Variants in KAZN observed in about 807,000 individuals in gnomAD.
KAZN encodes the protein kazrin.
KAZN carries 40 observed loss-of-function variants against 87.4 expected under a neutral mutation model. The observed-to-expected ratio is 0.46, with a 90% CI of 0.36 to 0.60. The LOEUF is 0.60. Ranked by LOEUF, KAZN falls within the 20% of genes least tolerant of loss-of-function variation. KAZN has a pLI of 0.00. For missense variants in KAZN, 898 were observed against 1,073.9 expected (o/e 0.84, Z 2.29); for synonymous variants, 466 against 458.3 (o/e 1.02, Z -0.22).
At chr1:14,913,554 G>C (rs1242281502) in intron 1 of KAZN, among the ~76,000 whole-genome samples, 2 of 152,246 alleles carry the variant, frequency 1.3e-5, no homozygotes, top group Non-Finnish European at 2.9e-5. Context: ...TGAGAACCCA[G>C]AGACCAGGGC....
intron 1 of KAZN, among the ~76,000 whole-genome samples, chr1:13,937,759 C>A (rs915325131): frequency 8.5e-5 from 13 of 152,230 alleles, no homozygotes; most frequent in African/African-American, 2.6e-4. Flanking sequence ...ACCAATTTTC[C>A]TAGCACCATT....
At chr1:13,937,426 T>C (rs951168890) in intron 1 of KAZN, among the ~76,000 whole-genome samples, 6 of 152,224 alleles carry the variant, frequency 3.9e-5, no homozygotes, top group Non-Finnish European at 7.3e-5. Context: ...TGGATATTAG[T>C]ACTTTGTCAG....
intron 2 of KAZN, among the ~76,000 whole-genome samples, chr1:14,480,653 ATAT>A (rs1388471198): frequency 2.3e-4 from 34 of 145,566 alleles, no homozygotes; most frequent in Admixed American, 7.7e-4. Flanking sequence ...ATAATATATA[ATAT>A]TTATTTATAA....
chr1:15,058,706 A>G lies in KAZN; in HGVS notation c.917-1466A>G, dbSNP rs115242154. On this transcript the variant is annotated intron_variant, in intron 5 of 14. Coordinates refer to ENST00000376030, the MANE Select transcript of KAZN (RefSeq NM_201628.3). ...GAGCAGATGTTGTCAGTGTACAGAT[A>G]TGATATGTAAATATACTATTAAATA... 3.7e-3 allele frequency among the ~76,000 whole-genome samples: 566 copies of G among 152,312 alleles called. 3 individuals are homozygous for G. The highest frequency in any genetic ancestry group is 6.2e-3 in the Non-Finnish European group (422 of 68,026).
chr1:14,342,790 G>A (rs1657829513), intron 2 of KAZN, among the ~76,000 whole-genome samples: 1 of 152,204 alleles, frequency 6.6e-6, no homozygotes, highest in Non-Finnish European at 1.5e-5. Context: ...AACATTCTGA[G>A]GGAGCTGCAC....
intron 1 of KAZN, among the ~76,000 whole-genome samples, chr1:14,103,478 A>C (rs954422961): frequency 6.6e-6 from 1 of 152,168 alleles, no homozygotes; most frequent in Non-Finnish European, 1.5e-5. Flanking sequence ...GTAGGTCAGA[A>C]ATCTGATACC....
chr1:14,105,001 T>A (rs2101654660), intron 1 of KAZN, among the ~76,000 whole-genome samples: 1 of 152,306 alleles, frequency 6.6e-6, no homozygotes, highest in East Asian at 1.9e-4. Flanking sequence ...AATATCTCCC[T>A]TATCTGTGGA....
intron 1 of KAZN, among the ~76,000 whole-genome samples, chr1:14,749,741 G>A (rs1248523502): frequency 6.6e-6 from 1 of 152,220 alleles, no homozygotes; most frequent in East Asian, 1.9e-4. Context: ...TAACAGACTT[G>A]CCCAGTCCTC....
At chr1:14,830,478 T>C (rs1284598545) in intron 1 of KAZN, among the ~76,000 whole-genome samples, 1 of 152,118 alleles carries the variant, frequency 6.6e-6, no homozygotes, top group Non-Finnish European at 1.5e-5. Flanking sequence ...GGCGTATTAG[T>C]CCATTCTCAC....
At chr1:14,472,341 C>T (rs1307480807) in intron 2 of KAZN, among the ~76,000 whole-genome samples, 1 of 152,202 alleles carries the variant, frequency 6.6e-6, no homozygotes. Context: ...AAACATTTTA[C>T]TCTTGTTCAT....
intron 1 of KAZN, among the ~76,000 whole-genome samples, chr1:14,143,663 C>G (rs1318736908): frequency 6.6e-6 from 1 of 152,054 alleles, no homozygotes; most frequent in East Asian, 1.9e-4. Flanking sequence ...AAATTTTGCC[C>G]TCCCTGGACT....
At chr1:14,947,446 G>T (rs960678728) in intron 1 of KAZN, among the ~76,000 whole-genome samples, 1 of 152,198 alleles carries the variant, frequency 6.6e-6, no homozygotes, top group African/African-American at 2.4e-5. Flanking sequence ...AAGACTGGGG[G>T]ACCTGGCCAT....
At chr1:14,862,409 TC>T (rs1326301112) in intron 1 of KAZN, among the ~76,000 whole-genome samples, 1 of 152,044 alleles carries the variant, frequency 6.6e-6, no homozygotes, top group East Asian at 1.9e-4. Context: ...TACAGGAGTT[TC>T]CCATCCCAGT....
intron 2 of KAZN, among the ~76,000 whole-genome samples, chr1:14,320,695 C>A (rs1215753629): frequency 6.6e-6 from 1 of 152,186 alleles, no homozygotes; most frequent in East Asian, 1.9e-4. Context: ...TCTGTATTTG[C>A]ATTTAAATAC....
intron 2 of KAZN, among the ~76,000 whole-genome samples, chr1:14,215,418 C>A (rs1430485591): frequency 6.6e-6 from 1 of 152,148 alleles, no homozygotes; most frequent in Non-Finnish European, 1.5e-5. Flanking sequence ...GAAGGGCCTG[C>A]TGCTCTAGAC....
intron 2 of KAZN, among the ~76,000 whole-genome samples, chr1:14,333,989 C>A (rs1657038229): frequency 6.6e-6 from 1 of 152,036 alleles, no homozygotes; most frequent in African/African-American, 2.4e-5. Flanking sequence ...TGGCTTTCAC[C>A]CTGCAGGAAA....
At chr1:15,001,870 CTTTTTTTTT>C (rs34948148) in intron 2 of KAZN, among the ~76,000 whole-genome samples, 6 of 57,764 alleles carry the variant, frequency 1.0e-4, no homozygotes, top group African/African-American at 2.7e-4. Flanking sequence ...AAGTCAAAAT[CTTTTTTTTT>C]TTTTTTTTTT....
Position 14,624,454 on chromosome 1 carries a change from A to G in KAZN, c.226+25231A>G, listed in dbSNP as rs540371365. On this transcript the variant is annotated intron_variant, in intron 1 of 14. Coordinates refer to ENST00000376030, the MANE Select transcript of KAZN (RefSeq NM_201628.3). ...AAAAAAAACAACAAAAAAAACCACT[A>G]ACTATTATGGATTTGTCTATTTCTC... is the stretch of plus-strand genomic sequence containing the variant. Among the ~76,000 whole-genome samples the G allele has an allele frequency of 5.3e-5, 8 of 151,784 alleles. No homozygotes were observed. The South Asian group carries it at 1.7e-3, about 32-fold the overall frequency.
intron 1 of KAZN, among the ~76,000 whole-genome samples, chr1:14,621,379 G>A (rs778076702): frequency 9.2e-5 from 14 of 152,180 alleles, no homozygotes; most frequent in Non-Finnish European, 1.9e-4. Flanking sequence ...CCACATGCTC[G>A]TTTAAGAAAA....
Sources: gnomAD v4.1 joint callset for allele counts (sites outside exome capture counted in the v4.1 genomes callset) on GRCh38, gnomAD v4.1.1 for gene constraint, MANE v1.5 for transcripts, NCBI Gene and HGNC (gene_info 2026-07-23, HGNC 2026-07-21) for gene names.